Variants in MAGI2 observed in about 807,000 individuals in gnomAD.
The protein encoded by MAGI2 is membrane-associated guanylate kinase, WW and PDZ domain-containing protein 2.
MAGI2 carries 35 observed loss-of-function variants against 133.3 expected under a neutral mutation model. That is an observed-to-expected ratio of 0.26 (90% CI 0.20 to 0.35). The LOEUF (loss-of-function observed/expected upper bound fraction) is 0.35. Among genes scored for constraint, MAGI2 ranks in the 10% least tolerant of loss-of-function variants. MAGI2 has a pLI of 1.00. For synonymous variants in MAGI2, 729 were observed against 710.6 expected (o/e 1.03, Z -0.41); for missense variants, 1,636 against 1,863.4 (o/e 0.88, Z 2.25).
chr7:79,077,929 T>C (rs1188382551), intron 1 of MAGI2, among the ~76,000 whole-genome samples: 1 of 152,188 alleles, frequency 6.6e-6, no homozygotes, highest in East Asian at 1.9e-4. Flanking sequence ...TTTTTTTCCC[T>C]TAGAATACAT....
chr7:79,419,743 T>C (rs1387475255), intron 1 of MAGI2, among the ~76,000 whole-genome samples: 1 of 152,048 alleles, frequency 6.6e-6, no homozygotes, highest in Non-Finnish European at 1.5e-5. Flanking sequence ...CAAAAATTTA[T>C]CTAATGTTAT....
At chr7:79,055,387 T>A (rs1813061877) in intron 1 of MAGI2, among the ~76,000 whole-genome samples, 1 of 152,144 alleles carries the variant, frequency 6.6e-6, no homozygotes, top group Admixed American at 6.6e-5. Context: ...TGCATAAGAT[T>A]CCCTAAGAAT....
chr7:79,245,976 G>A (rs111782248), intron 1 of MAGI2, among the ~76,000 whole-genome samples: 16 of 152,274 alleles, frequency 1.1e-4, no homozygotes, highest in Admixed American at 5.2e-4. Context: ...GAACAACAGC[G>A]TCTGCATGGT....
intron 6 of MAGI2, among the ~76,000 whole-genome samples, chr7:78,454,234 T>A (rs1056848760): frequency 1.6e-4 from 24 of 152,162 alleles, no homozygotes; most frequent in Non-Finnish European, 2.8e-4. Flanking sequence ...GTTTTGATTT[T>A]TATTAGCATT....
chr7:79,103,121 C>CAATCA (rs1362460108), intron 1 of MAGI2, among the ~76,000 whole-genome samples: 1 of 152,218 alleles, frequency 6.6e-6, no homozygotes, highest in Non-Finnish European at 1.5e-5. Context: ...ATACCTCCTA[C>CAATCA]TGATTCTGTT....
chr7:78,558,480 C>G (rs1203291966), intron 3 of MAGI2, among the ~76,000 whole-genome samples: 2 of 152,076 alleles, frequency 1.3e-5, no homozygotes, highest in Non-Finnish European at 2.9e-5. Flanking sequence ...TTAAGATTCA[C>G]TTTTGAAGCT....
rs560037385 is a variant in MAGI2, at chr7:78,566,756, T to C, written c.539-45111A>G. Among the ~76,000 whole-genome samples, 65 of 152,310 alleles carry C rather than the reference T, an allele frequency of 4.3e-4. 1 individual carries two copies. Among genetic ancestry groups the C allele is most frequent in the South Asian group, 1.5e-3 (7 of 4,824 alleles). ...AATCCTTATCTTTTCTTCTATAATT[T>C]CAGTACCATAGCTGATTTTAAAATA... On this transcript the variant is annotated intron_variant, in intron 3 of 21. Transcript: ENST00000354212.
intron 10 of MAGI2, 158 bp downstream of exon 10, chr7:78,255,785 G>A: frequency 1.3e-6 from 1 of 756,460 alleles, no homozygotes; most frequent in Non-Finnish European, 2.2e-6. Flanking sequence ...CAAAAACAAA[G>A]TTTCCTTTAA....
At chr7:79,327,679 T>TCA (rs144532989) in intron 1 of MAGI2, among the ~76,000 whole-genome samples, 180 of 151,436 alleles carry the variant, frequency 1.2e-3, no homozygotes, top group African/African-American at 3.7e-3. Flanking sequence ...TCTCTCTATT[T>TCA]CACACACACA....
chr7:78,075,005 C>A (rs565328424), intron 21 of MAGI2, among the ~76,000 whole-genome samples: 128 of 152,300 alleles, frequency 8.4e-4, no homozygotes, highest in African/African-American at 2.5e-3. Flanking sequence ...ATCCCCTAAG[C>A]TAATGTAAAC....
At position 78,755,340 on chromosome 7, in the gene MAGI2, C is replaced by A. The variant is rs184449333; in HGVS notation, c.419-128101G>T. Reference sequence around the variant, plus strand: ...GGTTTCATTTGTTTTTGGAAACATACGTACTCGAGTATTTTGAATATTCAT... The same window carrying A: ...GGTTTCATTTGTTTTTGGAAACATAAGTACTCGAGTATTTTGAATATTCAT... On this transcript the variant is annotated intron_variant, in intron 2 of 21. Coordinates refer to ENST00000354212, the MANE Select transcript of MAGI2 (RefSeq NM_012301.4). Among the ~76,000 whole-genome samples, 132 of 152,242 alleles carry A rather than the reference C, an allele frequency of 8.7e-4. No homozygotes were observed. In the East Asian group the frequency reaches 0.011, roughly 13 times the overall value.
intron 1 of MAGI2, among the ~76,000 whole-genome samples, chr7:79,144,970 A>G (rs1822479267): frequency 6.6e-6 from 1 of 152,014 alleles, no homozygotes; most frequent in Non-Finnish European, 1.5e-5. Context: ...CATTAAAGAG[A>G]TTGTTTCATT....
intron 1 of MAGI2, among the ~76,000 whole-genome samples, chr7:79,142,300 CTAAT>C (rs1247826244): frequency 6.6e-6 from 1 of 152,204 alleles, no homozygotes; most frequent in Non-Finnish European, 1.5e-5. Flanking sequence ...AATATCCCCT[CTAAT>C]TAAAGTGTAC....
At chr7:78,421,913 G>A (rs998814754) in intron 6 of MAGI2, among the ~76,000 whole-genome samples, 34 of 152,114 alleles carry the variant, frequency 2.2e-4, no homozygotes, top group African/African-American at 7.7e-4. Context: ...ATGGATTTGT[G>A]TGGAAATTTT....
chr7:78,952,502 C>T (rs181222628), intron 2 of MAGI2, among the ~76,000 whole-genome samples: 160 of 152,196 alleles, frequency 1.1e-3, no homozygotes, highest in Non-Finnish European at 1.9e-3. Flanking sequence ...TACTCTGAGT[C>T]GTGCTGAAAA....
chr7:79,212,040 C>A (rs1417396071), intron 1 of MAGI2, among the ~76,000 whole-genome samples: 1 of 152,070 alleles, frequency 6.6e-6, no homozygotes, highest in East Asian at 1.9e-4. Flanking sequence ...CTCTGGACTT[C>A]TTCCAAATAG....
intron 9 of MAGI2, among the ~76,000 whole-genome samples, chr7:78,309,197 A>C (rs1215347573): frequency 6.6e-6 from 1 of 152,226 alleles, no homozygotes; most frequent in Non-Finnish European, 1.5e-5. Context: ...GTATATGCCC[A>C]AAGGAAAATA....
At chr7:78,082,363 G>A (rs774210860) in intron 20 of MAGI2, among the ~76,000 whole-genome samples, 2 of 152,168 alleles carry the variant, frequency 1.3e-5, no homozygotes, top group African/African-American at 2.4e-5. Flanking sequence ...TAGGGGCTGC[G>A]TAAGGGCTGA....
chr7:79,200,542 T>C (rs2129551872), intron 1 of MAGI2, among the ~76,000 whole-genome samples: 1 of 151,188 alleles, frequency 6.6e-6, no homozygotes, highest in Non-Finnish European at 1.5e-5. Context: ...ACCCAGGAGG[T>C]TGAGGTTGCA....
Sources: gnomAD v4.1 joint callset for allele counts (sites outside exome capture counted in the v4.1 genomes callset) on GRCh38, gnomAD v4.1.1 for gene constraint, MANE v1.5 for transcripts, NCBI Gene and HGNC (gene_info 2026-07-23, HGNC 2026-07-21) for gene names.